Variants in DPPA5 observed in about 807,000 individuals in gnomAD.
DPPA5 encodes developmental pluripotency associated 5.
In DPPA5, 11 loss-of-function variants were observed where a neutral mutation model predicts 11.3. That is an observed-to-expected ratio of 0.97 (90% CI 0.61 to 1.61). The LOEUF (loss-of-function observed/expected upper bound fraction) is 1.61, where lower values mean the gene tolerates loss of function less well. DPPA5 is among the 40% of genes most tolerant of loss of function. The pLI is 0.00. For synonymous variants in DPPA5, 53 were observed against 59.2 expected, an observed-to-expected ratio of 0.90 and a Z score of 0.48; for missense variants, 132 against 151.8, an observed-to-expected ratio of 0.87 and a Z score of 0.68.
chr6:73,353,883 C>G lies in DPPA5; in HGVS notation c.262G>C (p.Ala88Pro). The G allele has an allele frequency of 6.2e-7, 1 of 1,613,896 alleles. No individual in the cohort carries two copies. The highest frequency in any genetic ancestry group is 8.5e-7 in the Non-Finnish European group (1 of 1,179,974). Residue 88 changes from alanine to proline, a missense_variant, in exon 2 of 3, where the codon GCT becomes CCT. Coordinates refer to ENST00000370370, the MANE Select transcript of DPPA5 (RefSeq NM_001025290.3). ...TCCTGGCGCTGGCGGTGCCACTCAGCCATGGACTGGAGCATCCACTTGGTC... is the reference window on the plus strand; with the variant it reads ...TCCTGGCGCTGGCGGTGCCACTCAGGCATGGACTGGAGCATCCACTTGGTC... Reference protein sequence around the residue: ...LRTKWMLQSMAEWHRQRQERG... With the variant: ...LRTKWMLQSMPEWHRQRQERG...
At position 73,353,159 on chromosome 6, in the gene DPPA5, T is replaced by C; in HGVS notation, c.*161A>G. On this transcript the variant is annotated 3_prime_UTR_variant, in exon 3 of 3. Coordinates refer to ENST00000370370, the MANE Select transcript of DPPA5 (RefSeq NM_001025290.3). ...ATCAAAGAAATATTCACAACAAGAC[T>C]CAGAGCCAAGGGTTTTCCCTTAACT... 1.4e-6 allele frequency: 1 copy of C among 714,284 alleles called. No homozygotes were observed. Among genetic ancestry groups the C allele is most frequent in the Non-Finnish European group, 2.3e-6 (1 of 427,414 alleles). 44.2% of individuals were successfully genotyped at this position (714,284 alleles called of 1,614,324 possible). A position where few individuals can be genotyped will look rare whatever the true frequency, so the allele number is the denominator to read the frequency against.
At position 73,353,899 on chromosome 6, in the gene DPPA5, C is replaced by T. The variant is rs769296485; in HGVS notation, c.246G>A (p.Trp82Ter). ...GSYLYKLRTK[W>*]MLQSMAEWHR... ...GCCACTCAGCCATGGACTGGAGCAT[C>T]CACTTGGTCCGGAGCTTGTACAAAT... The change falls in exon 2 of 3, where the codon TGG (tryptophan) becomes TGA (stop). Residue 82 changes from tryptophan (W) to a stop codon, truncating the protein, a stop_gained. Transcript: ENST00000370370. LOFTEE classifies it low-confidence loss of function (END_TRUNC). The T allele has an allele frequency of 6.2e-7, 1 of 1,613,926 alleles. No homozygotes were observed. Among genetic ancestry groups the T allele is most frequent in the African/African-American group, 1.3e-5 (1 of 74,956 alleles).
rs943023060 is a variant in DPPA5 at position 73,353,180 on chromosome 6, T to G, written c.*140A>C. 3.2e-6 allele frequency: 3 copies of G among 947,330 alleles called. No homozygotes were observed. Among genetic ancestry groups the G allele is most frequent in the Admixed American group, 2.4e-5 (1 of 41,960 alleles). 58.7% of individuals were successfully genotyped at this position (947,330 alleles called of 1,614,324 possible). On this transcript the variant is annotated 3_prime_UTR_variant, in exon 3 of 3. Transcript: ENST00000370370. ...AGACTCAGAGCCAAGGGTTTTCCCT[T>G]AACTCTTTAAGGGAACAAATGGTTT... is the stretch of plus-strand genomic sequence containing the variant.
chr6:73,353,974 C>T lies in DPPA5; in HGVS notation c.171G>A (p.Leu57=), dbSNP rs754817609. 4.3e-6 allele frequency: 7 copies of T among 1,614,182 alleles called. No homozygotes were observed. In the South Asian group the frequency reaches 5.5e-5, roughly 13 times the overall value. The change falls in exon 2 of 3, where the codon CTG becomes CTA. Residue 57 remains leucine (L), a synonymous_variant. Coordinates refer to ENST00000370370, the MANE Select transcript of DPPA5 (RefSeq NM_001025290.3). The part of the protein sequence containing the change: ...IEQVSKAMLE[L]KALESSDLTE... ...TGAGGTCTGAAGACTCCAGAGCCTT[C>T]AGCTCGAGCATGGCCTTGCTCACCT...
rs776088244 is a variant in DPPA5 at position 73,354,040 on chromosome 6, G to A, written c.113-8C>T. 2 of 1,613,846 alleles carry A rather than the reference G, an allele frequency of 1.2e-6. No individual in the cohort carries two copies. The highest frequency in any genetic ancestry group is 1.1e-5 in the South Asian group (1 of 91,080). On this transcript the variant is annotated splice_polypyrimidine_tract_variant and splice_region_variant and intron_variant, in intron 1 of 2. Transcript: ENST00000370370. ...TTCGAGATCCGTCCGGGCCTGTTGGGGAAAAGAGATGAGATCCCCGGGCCG... is the reference window on the plus strand; with the variant it reads ...TTCGAGATCCGTCCGGGCCTGTTGGAGAAAAGAGATGAGATCCCCGGGCCG...
chr6:73,353,118 C>G lies in DPPA5; in HGVS notation c.*202G>C. 1.7e-6 allele frequency: 1 copy of G among 582,730 alleles called. No individual in the cohort carries two copies. Among genetic ancestry groups the G allele is most frequent in the Non-Finnish European group, 3.0e-6 (1 of 334,810 alleles). 36.1% of individuals were successfully genotyped at this position (582,730 alleles called of 1,614,324 possible). ...TAAAAATGGGAAAAAAGAAAAAACACTTTTTATTAACAATCATCAAAGAAA... is the reference window on the plus strand; with the variant it reads ...TAAAAATGGGAAAAAAGAAAAAACAGTTTTTATTAACAATCATCAAAGAAA... On this transcript the variant is annotated 3_prime_UTR_variant, in exon 3 of 3. Transcript: ENST00000370370.
chr6:73,353,902 C>G lies in DPPA5; in HGVS notation c.243G>C (p.Lys81Asn). ...ACTCAGCCATGGACTGGAGCATCCA[C>G]TTGGTCCGGAGCTTGTACAAATAGG... Reference protein sequence around the residue: ...YGSYLYKLRTKWMLQSMAEWH... With the variant: ...YGSYLYKLRTNWMLQSMAEWH... The change falls in exon 2 of 3, where the codon AAG becomes AAC. Residue 81 changes from lysine to asparagine, a missense_variant. Transcript: ENST00000370370. 6.2e-7 allele frequency: 1 copy of G among 1,614,082 alleles called. No homozygotes were observed. The highest frequency in any genetic ancestry group is 8.5e-7 in the Non-Finnish European group (1 of 1,179,984).
intron 2 of DPPA5, among the ~76,000 whole-genome samples, 161 bp downstream of exon 2, chr6:73,353,692 C>T (rs1768724827): frequency 6.6e-6 from 1 of 152,186 alleles, no homozygotes; most frequent in Non-Finnish European, 1.5e-5. Context: ...GCCCCCATTC[C>T]CAAAGGGGTC....
At chr6:73,353,600 C>T (rs1768722638) in intron 2 of DPPA5, among the ~76,000 whole-genome samples, 1 of 152,090 alleles carries the variant, frequency 6.6e-6, no homozygotes, top group Non-Finnish European at 1.5e-5. Flanking sequence ...CTCAGATAAC[C>T]CTGCCCAGTG....
Position 73,353,346 on chromosome 6 carries a change from G to A in DPPA5, c.325C>T (p.Leu109Phe). ...MLKLAEAMNA[L>F]ELGPWMK ...CACTTCATCCAAGGGCCTAGTTCGA[G>A]GGCATTCATGGCTTCGGCAAGTTTG... Residue 109 changes from leucine to phenylalanine, a missense_variant, in exon 3 of 3, where the codon CTC becomes TTC. By Grantham distance (22) the Leu-to-Phe change is conservative. Transcript: ENST00000370370. 6.2e-7 allele frequency: 1 copy of A among 1,614,146 alleles called. No homozygotes were observed.
intron 2 of DPPA5, 97 bp from the exon 3 acceptor site, chr6:73,353,475 TGATCCAGGCGTTCTGGGCCTGA>T: frequency 6.9e-7 from 1 of 1,457,576 alleles, no homozygotes; most frequent in East Asian, 2.3e-5. Context: ...CTGGGACTTC[TGATCCAGGCGTTCTGGGCCTGA>T]GAGTCAGGCC....
At chr6:73,353,764 G>A in intron 2 of DPPA5, 89 bp downstream of exon 2, 1 of 1,482,018 alleles carries the variant, frequency 6.7e-7, no homozygotes. Flanking sequence ...CAGCGAGCAA[G>A]AGAGGAGAAA....
At position 73,353,148 on chromosome 6, in the gene DPPA5, CACA is replaced by C. The variant is rs1392096731; in HGVS notation, c.*169_*171del. Reference sequence around the variant, plus strand: ...TATTAACAATCATCAAAGAAATATTCACAACAAGACTCAGAGCCAAGGGTTTTC... The same window carrying C: ...TATTAACAATCATCAAAGAAATATTCACAAGACTCAGAGCCAAGGGTTTTC... On this transcript the variant is annotated 3_prime_UTR_variant, in exon 3 of 3. Coordinates refer to ENST00000370370, the MANE Select transcript of DPPA5 (RefSeq NM_001025290.3). 30 of 630,922 alleles carry C rather than the reference CACA, an allele frequency of 4.8e-5. No homozygotes were observed. The East Asian group carries it at 6.4e-4, about 13-fold the overall frequency. The allele number at this position is 630,922 out of a possible 1,614,324, so 39.1% of individuals were successfully genotyped here.
chr6:73,353,929 G>A lies in DPPA5; in HGVS notation c.216C>T (p.Gly72=). The change falls in exon 2 of 3, where the codon GGC becomes GGT. Residue 72 remains glycine (G), a synonymous_variant. Coordinates refer to ENST00000370370, the MANE Select transcript of DPPA5 (RefSeq NM_001025290.3). The part of the protein sequence containing the change: ...SSDLTEVVVY[G]SYLYKLRTKW... The stretch of plus-strand genomic sequence containing the variant: ...TGGTCCGGAGCTTGTACAAATAGGA[G>A]CCGTAAACCACGACCTCGGTGAGGT... The A allele has an allele frequency of 6.2e-7, 1 of 1,614,196 alleles. No individual in the cohort carries two copies. The highest frequency in any genetic ancestry group is 1.1e-5 in the South Asian group (1 of 91,086).
chr6:73,353,960 G>C lies in DPPA5; in HGVS notation c.185C>G (p.Ser62Cys). 6.2e-7 allele frequency: 1 copy of C among 1,614,204 alleles called. No homozygotes were observed. The highest frequency in any genetic ancestry group is 1.7e-5 in the Admixed American group (1 of 60,026). Reference sequence around the variant, plus strand: ...AACCACGACCTCGGTGAGGTCTGAAGACTCCAGAGCCTTCAGCTCGAGCAT... The same window carrying C: ...AACCACGACCTCGGTGAGGTCTGAACACTCCAGAGCCTTCAGCTCGAGCAT... Reference protein sequence around the residue: ...KAMLELKALESSDLTEVVVYG... With the variant: ...KAMLELKALECSDLTEVVVYG... Residue 62 changes from serine to cysteine, a missense_variant, in exon 2 of 3, where the codon TCT becomes TGT. Physicochemically the swap from Ser to Cys is moderately radical, Grantham distance 112. Transcript: ENST00000370370.
At chr6:73,353,495 T>A in intron 2 of DPPA5, 117 bp from the exon 3 acceptor site, 3 of 1,231,830 alleles carry the variant, frequency 2.4e-6, no homozygotes, top group Non-Finnish European at 3.5e-6. Flanking sequence ...GTTCTGGGCC[T>A]GAGAGTCAGG....
chr6:73,354,086 G>A, intron 1 of DPPA5, 28 bp downstream of exon 1: 1 of 1,614,000 alleles, frequency 6.2e-7, no homozygotes, highest in Non-Finnish European at 8.5e-7. Flanking sequence ...CCGAGCCGGG[G>A]CAGCCCGCCA....
rs200904292 is a variant in DPPA5, at chr6:73,353,284, T to C, written c.*36A>G. 9.0e-5 allele frequency: 145 copies of C among 1,613,708 alleles called. 1 individual carries two copies. The African/African-American group carries it at 1.6e-3, about 18-fold the overall frequency. ...CTAGCTCTGGCCACAACCTAATCTCTGCAACCCGGCTTCATTGCATTGGCT... is the reference window on the plus strand; with the variant it reads ...CTAGCTCTGGCCACAACCTAATCTCCGCAACCCGGCTTCATTGCATTGGCT... On this transcript the variant is annotated 3_prime_UTR_variant, in exon 3 of 3. Transcript: ENST00000370370.
chr6:73,353,901 A>G lies in DPPA5; in HGVS notation c.244T>C (p.Trp82Arg), dbSNP rs748677174. The change falls in exon 2 of 3, where the codon TGG becomes CGG. Residue 82 changes from tryptophan to arginine, a missense_variant. Transcript: ENST00000370370. ...GSYLYKLRTK[W>R]MLQSMAEWHR... The stretch of plus-strand genomic sequence containing the variant: ...CACTCAGCCATGGACTGGAGCATCC[A>G]CTTGGTCCGGAGCTTGTACAAATAG... 6.2e-7 allele frequency: 1 copy of G among 1,613,978 alleles called. No homozygotes were observed.
Sources: allele counts gnomAD v4.1 joint callset (sites outside exome capture counted in the v4.1 genomes callset), GRCh38; gene constraint gnomAD v4.1.1; transcripts MANE v1.5; gene names NCBI Gene and HGNC (gene_info 2026-07-23, HGNC 2026-07-21).